Variants in COA8 observed in about 807,000 individuals in gnomAD.
COA8 encodes the protein UPF0671 protein C14orf153.
COA8 carries 20 observed loss-of-function variants against 22.0 expected under a neutral mutation model. The ratio of observed to expected loss-of-function variants is 0.91; its 90% confidence interval spans 0.64 to 1.32. The LOEUF (loss-of-function observed/expected upper bound fraction) is 1.32. Ranked by LOEUF, COA8 falls within the 40% of genes most tolerant of loss-of-function variation. The pLI is 0.00. For missense variants in COA8, 266 were observed against 230.0 expected, an observed-to-expected ratio of 1.16 and a Z score of -1.01; for synonymous variants, 105 against 79.9, an observed-to-expected ratio of 1.31 and a Z score of -1.68.
intron 4 of COA8, 136 bp downstream of exon 4, chr14:103,587,500 CTTTTTTTCTTTTTTT>C: frequency 1.8e-5 from 8 of 439,188 alleles, no homozygotes; most frequent in Admixed American, 4.2e-5. Flanking sequence ...TTTTTTTTTT[CTTTTTTTCTTTTTTT>C]TTTTTTTTTT....
intron 3 of COA8, among the ~76,000 whole-genome samples, chr14:103,576,915 G>A (rs1398172620): frequency 1.3e-5 from 2 of 152,130 alleles, no homozygotes; most frequent in Admixed American, 6.6e-5. Context: ...TCAGTGTCCC[G>A]GAAATGTGAG....
At chr14:103,583,541 C>CAAAAA (rs35726464) in intron 3 of COA8, among the ~76,000 whole-genome samples, 2 of 53,080 alleles carry the variant, frequency 3.8e-5, no homozygotes, top group East Asian at 5.8e-4. Context: ...GACTCGATCT[C>CAAAAA]AAAAAAAAAA....
chr14:103,582,766 C>G (rs1295235299), intron 3 of COA8, among the ~76,000 whole-genome samples: 1 of 116,122 alleles, frequency 8.6e-6, no homozygotes, highest in Non-Finnish European at 1.7e-5. Flanking sequence ...GATGGAGTCT[C>G]CTTGTCGTGC....
chr14:103,569,695 G>T (rs9652404), intron 1 of COA8, among the ~76,000 whole-genome samples: 2,958 of 152,296 alleles, frequency 0.019, 94 homozygotes, highest in African/African-American at 0.066. Flanking sequence ...CCGTGGTGCC[G>T]TCCCTTTGGT....
Position 103,581,858 on chromosome 14 carries a change from T to C in COA8, c.386-5416T>C, listed in dbSNP as rs1447909207. Among the ~76,000 whole-genome samples the C allele has an allele frequency of 9.9e-5, 15 of 152,206 alleles. No individual in the cohort carries two copies. Among genetic ancestry groups the C allele is most frequent in the Admixed American group, 9.8e-4 (15 of 15,284 alleles). On this transcript the variant is annotated intron_variant, in intron 3 of 4. Coordinates refer to ENST00000409074, the MANE Select transcript of COA8 (RefSeq NM_001370595.2). The surrounding 1 kb of genome is among the most constrained non-coding windows in gnomAD (Gnocchi z 4.1). ...GGCTAGGGGACAGCCGTGCTTGTGC[T>C]GTGCCGTCTGAGTGTTTGTTTCTGT...
intron 1 of COA8, among the ~76,000 whole-genome samples, chr14:103,563,839 T>C (rs528847722): frequency 6.6e-6 from 1 of 152,284 alleles, no homozygotes; most frequent in South Asian, 2.1e-4. Flanking sequence ...GTTTAAACAA[T>C]AATTAAAGAA....
In COA8 at chr14:103,563,115, G is replaced by T; in HGVS notation, c.114G>T (p.Ala38=). The change falls in exon 1 of 5, where the codon GCG becomes GCT. Residue 38 remains alanine (A), a synonymous_variant. Transcript: ENST00000409074. ...GCGGCGCCGAGCGCAGGGATACGGC[G>T]CCCAGCGGGGTAAGCAGGGGCCTGG... ...PERGAERRDT[A]PSGVSRFCPP... The T allele has an allele frequency of 6.5e-7, 1 of 1,539,450 alleles. No individual in the cohort carries two copies. The highest frequency in any genetic ancestry group is 2.4e-5 in the East Asian group (1 of 41,440).
At position 103,587,132 on chromosome 14, in the gene COA8, A is replaced by G. The variant is rs139573373; in HGVS notation, c.386-142A>G. On this transcript the variant is annotated intron_variant, in intron 3 of 4. Coordinates refer to ENST00000409074, the MANE Select transcript of COA8 (RefSeq NM_001370595.2). ...ATTTCATTTCAGACTGTTCATTGCT[A>G]GTGTATAGAAATACAATTGATGTTT... The G allele has an allele frequency of 1.7e-5, 9 of 541,488 alleles. No individual in the cohort carries two copies. In the African/African-American group the frequency reaches 1.7e-4, roughly 10 times the overall value. 33.5% of individuals were successfully genotyped at this position (541,488 alleles called of 1,614,324 possible). A position where few individuals can be genotyped will look rare whatever the true frequency, so the allele number is the denominator to read the frequency against.
intron 1 of COA8, among the ~76,000 whole-genome samples, chr14:103,569,800 G>A (rs971726315): frequency 1.3e-5 from 2 of 152,048 alleles, no homozygotes; most frequent in Non-Finnish European, 2.9e-5. Context: ...TTTAATGTAT[G>A]ATAAGGAAAA....
chr14:103,573,592 G>T (rs2076205174), intron 2 of COA8, among the ~76,000 whole-genome samples: 1 of 151,840 alleles, frequency 6.6e-6, no homozygotes, highest in Admixed American at 6.6e-5. Context: ...TCACTCTGTT[G>T]TCCAGGCTGG....
intron 3 of COA8, among the ~76,000 whole-genome samples, chr14:103,586,447 A>G (rs1430155803): frequency 6.6e-6 from 1 of 151,572 alleles, no homozygotes; most frequent in Non-Finnish European, 1.5e-5. Flanking sequence ...GTCCCAAGTG[A>G]TCCTCCTGCC....
In COA8 at chr14:103,581,091, C is replaced by T. The variant is rs8017628; in HGVS notation, c.386-6183C>T. On this transcript the variant is annotated intron_variant, in intron 3 of 4. Coordinates refer to ENST00000409074, the MANE Select transcript of COA8 (RefSeq NM_001370595.2). The surrounding 1 kb of genome is among the most constrained non-coding windows in gnomAD (Gnocchi z 4.1). ...CTGGGATTACAGGCGTGAGCCACCG[C>T]GCCCAGCCTGTTACACCATTTTATA... Among the ~76,000 whole-genome samples the T allele has an allele frequency of 0.28, 42,087 of 151,944 alleles. 6,084 individuals carry two copies. The highest frequency in any genetic ancestry group is 0.35 in the East Asian group (1,787 of 5,162).
rs1566980722 is a variant in COA8, at chr14:103,574,141, C to CT, written c.357dup (p.Lys120Ter). ...GAATTTATTCACTCAAGACTAAAAA[C>CT]TAAAGGCCTGGGCCTGAGAACTGAA... On this transcript the variant is annotated frameshift_variant, in exon 3 of 5. Transcript: ENST00000409074. LOFTEE classifies it high-confidence loss of function. The CT allele has an allele frequency of 9.3e-6, 7 of 754,872 alleles. No homozygotes were observed. The highest frequency in any genetic ancestry group is 1.4e-5 in the Non-Finnish European group (7 of 489,008). The allele number at this position is 754,872 out of a possible 1,614,324, so 46.8% of individuals were successfully genotyped here.
intron 3 of COA8, among the ~76,000 whole-genome samples, chr14:103,583,718 C>A (rs534370649): frequency 2.0e-5 from 3 of 152,204 alleles, no homozygotes; most frequent in African/African-American, 7.2e-5. Flanking sequence ...GTTAAAGACC[C>A]AGTCCCACAA....
intron 3 of COA8, among the ~76,000 whole-genome samples, chr14:103,578,046 A>AG (rs1595144208): frequency 6.7e-6 from 1 of 149,912 alleles, no homozygotes; most frequent in East Asian, 2.0e-4. Flanking sequence ...AAAAAAAAAA[A>AG]AGCCAAGTTT....
intron 3 of COA8, among the ~76,000 whole-genome samples, chr14:103,580,517 C>T (rs954610997): frequency 1.3e-5 from 2 of 149,910 alleles, no homozygotes; most frequent in Non-Finnish European, 3.0e-5. Flanking sequence ...TTTTTTGAAG[C>T]GGAGTCTCAC....
Position 103,576,122 on chromosome 14 carries a change from A to G in COA8, c.385+1952A>G, listed in dbSNP as rs534670838. 1.2e-4 allele frequency among the ~76,000 whole-genome samples: 19 copies of G among 152,310 alleles called. No homozygotes were observed. In the East Asian group the frequency reaches 3.7e-3, roughly 30 times the overall value. On this transcript the variant is annotated intron_variant, in intron 3 of 4. Coordinates refer to ENST00000409074, the MANE Select transcript of COA8 (RefSeq NM_001370595.2). ...GGAGTTCGAGACCAGCCTGATCAAC[A>G]TGGTGAAACCCCGTCTCTACTAAAA... is the stretch of plus-strand genomic sequence containing the variant.
chr14:103,563,499 TA>T (rs2076109376), intron 1 of COA8: 1 of 376,974 alleles, frequency 2.7e-6, no homozygotes, highest in African/African-American at 2.1e-5. Flanking sequence ...TTGTTACAAT[TA>T]TTAGTGCTTT....
chr14:103,576,322 A>G (rs868030055), intron 3 of COA8, among the ~76,000 whole-genome samples: 7 of 152,206 alleles, frequency 4.6e-5, no homozygotes, highest in South Asian at 2.1e-4. Flanking sequence ...ATAAAAAAAG[A>G]AAGTCGATTG....
Sources: gnomAD v4.1 joint callset for allele counts (sites outside exome capture counted in the v4.1 genomes callset) on GRCh38, gnomAD v4.1.1 for gene constraint, Gnocchi (gnomAD v3.1) non-coding constraint, MANE v1.5 for transcripts, NCBI Gene and HGNC (gene_info 2026-07-23, HGNC 2026-07-21) for gene names.